The following STK32B variants were observed in gnomAD, a reference collection of about 807,000 sequenced individuals.
The protein encoded by STK32B is serine/threonine kinase 32B, also known as serine/threonine-protein kinase 32B.
In STK32B, 43 loss-of-function variants were observed where a neutral mutation model predicts 52.6. The ratio of observed to expected loss-of-function variants is 0.82; its 90% CI spans 0.64 to 1.05. STK32B has a LOEUF of 1.05. STK32B is among the 50% of genes least tolerant of loss of function. STK32B has a pLI of 0.00. For missense variants in STK32B, 621 were observed against 534.6 expected (o/e 1.16, Z -1.59); for synonymous variants, 238 against 204.3 (o/e 1.17, Z -1.41).
At chr4:5,332,823 A>C (rs534990645) in intron 4 of STK32B, among the ~76,000 whole-genome samples, 1 of 151,986 alleles carries the variant, frequency 6.6e-6, no homozygotes, top group Non-Finnish European at 1.5e-5. Context: ...AAGGACATGA[A>C]CTCATCATTT....
At position 5,155,575 on chromosome 4, in the gene STK32B, G is replaced by A. The variant is rs188512955; in HGVS notation, c.109-12724G>A. Among the ~76,000 whole-genome samples the A allele has an allele frequency of 1.7e-4, 26 of 152,218 alleles. No homozygotes were observed. In the East Asian group the frequency reaches 4.3e-3, roughly 25 times the overall value. Reference sequence around the variant, plus strand: ...TGTGTCCCCACCCAAATCTCATCTCGAATTGTAATCCCTACCTGTCAAGGG... The same window carrying A: ...TGTGTCCCCACCCAAATCTCATCTCAAATTGTAATCCCTACCTGTCAAGGG... On this transcript the variant is annotated intron_variant, in intron 2 of 11. Transcript: ENST00000282908.
At chr4:5,094,907 C>A (rs888510900) in intron 1 of STK32B, among the ~76,000 whole-genome samples, 1 of 152,186 alleles carries the variant, frequency 6.6e-6, no homozygotes, top group South Asian at 2.1e-4. Flanking sequence ...GCAAGTATGG[C>A]AGTTCATTAA....
At chr4:5,344,090 C>T (rs1046501874) in intron 4 of STK32B, among the ~76,000 whole-genome samples, 14 of 152,098 alleles carry the variant, frequency 9.2e-5, no homozygotes, top group African/African-American at 3.1e-4. Flanking sequence ...TGAGCTGATT[C>T]GAAGAGAACT....
At chr4:5,310,589 G>A (rs556802496) in intron 3 of STK32B, among the ~76,000 whole-genome samples, 1 of 152,146 alleles carries the variant, frequency 6.6e-6, no homozygotes, top group South Asian at 2.1e-4. Context: ...CTGTAGGTGG[G>A]AATTCAAATT....
rs79467921 is a variant in STK32B at position 5,080,875 on chromosome 4, A to G, written c.52+28960A>G. On this transcript the variant is annotated intron_variant, in intron 1 of 11. Transcript: ENST00000282908. ...AGTAACTCTAGTAACTCTAGTCACC[A>G]TGCTGTACCATTAGGTCTCCAGAAC... 8.7e-3 allele frequency among the ~76,000 whole-genome samples: 1,332 copies of G among 152,274 alleles called. 13 individuals carry two copies. Among genetic ancestry groups the G allele is most frequent in the African/African-American group, 0.031 (1,274 of 41,558 alleles).
chr4:5,310,128 T>A (rs1040521775), intron 3 of STK32B, among the ~76,000 whole-genome samples: 2 of 152,136 alleles, frequency 1.3e-5, no homozygotes. Flanking sequence ...ATCACGCCAC[T>A]GCACTCCAGC....
intron 3 of STK32B, among the ~76,000 whole-genome samples, chr4:5,265,807 T>G (rs931705012): frequency 2.0e-5 from 3 of 152,194 alleles, no homozygotes; most frequent in African/African-American, 7.2e-5. Context: ...CCTCTTTATT[T>G]TGGGCTTGAT....
At chr4:5,165,880 C>G (rs1718831801) in intron 2 of STK32B, among the ~76,000 whole-genome samples, 1 of 152,202 alleles carries the variant, frequency 6.6e-6, no homozygotes, top group Non-Finnish European at 1.5e-5. Context: ...AACGTGCTAT[C>G]TAATACATTG....
intron 7 of STK32B, 131 bp downstream of exon 7, chr4:5,446,907 T>G: frequency 1.3e-6 from 1 of 775,830 alleles, no homozygotes; most frequent in Non-Finnish European, 2.1e-6. Flanking sequence ...CCCCCAGGTT[T>G]CAGTCCTGAT....
chr4:5,157,320 A>G lies in STK32B; in HGVS notation c.109-10979A>G, dbSNP rs1046167813. ...GATGTAAAAAAAAAAAAAAAAAAAA[A>G]GCTGAACAAGGTTCCTGACACTGAA... On this transcript the variant is annotated intron_variant, in intron 2 of 11. Coordinates refer to ENST00000282908, the MANE Select transcript of STK32B (RefSeq NM_018401.3). Among the ~76,000 whole-genome samples the G allele has an allele frequency of 1.4e-4, 21 of 146,008 alleles. 1 individual carries two copies. The highest frequency in any genetic ancestry group is 1.0e-3 in the Admixed American group (15 of 14,546).
intron 3 of STK32B, among the ~76,000 whole-genome samples, chr4:5,188,967 C>T (rs1381056601): frequency 6.6e-6 from 1 of 151,482 alleles, no homozygotes; most frequent in East Asian, 1.9e-4. Context: ...ACCTATGTAA[C>T]AAACCTGCAC....
intron 11 of STK32B, among the ~76,000 whole-genome samples, chr4:5,497,389 G>T (rs989333009): frequency 1.6e-4 from 25 of 152,206 alleles, no homozygotes; most frequent in African/African-American, 5.3e-4. Flanking sequence ...CTTCAACTGA[G>T]GGTAAGAGGA....
At chr4:5,455,795 T>G (rs1231422800) in intron 7 of STK32B, among the ~76,000 whole-genome samples, 1 of 152,118 alleles carries the variant, frequency 6.6e-6, no homozygotes, top group Non-Finnish European at 1.5e-5. Flanking sequence ...ATTCCCCCTT[T>G]GAGCAGCCCA....
At chr4:5,254,566 T>C (rs549008447) in intron 3 of STK32B, among the ~76,000 whole-genome samples, 3 of 152,324 alleles carry the variant, frequency 2.0e-5, no homozygotes, top group South Asian at 4.1e-4. Context: ...TAATATGCCA[T>C]GTATTCATTA....
At chr4:5,255,401 A>G (rs1159922411) in intron 3 of STK32B, among the ~76,000 whole-genome samples, 1 of 152,212 alleles carries the variant, frequency 6.6e-6, no homozygotes, top group African/African-American at 2.4e-5. Flanking sequence ...ACTGATTAAT[A>G]TGTATCTCAT....
intron 3 of STK32B, among the ~76,000 whole-genome samples, chr4:5,284,721 C>T (rs1728436381): frequency 6.6e-6 from 1 of 152,186 alleles, no homozygotes. Context: ...CCAAGTGTTG[C>T]TTCTGCTTAA....
At position 5,317,334 on chromosome 4, in the gene STK32B, A is replaced by G. The variant is rs1326709161; in HGVS notation, c.261-13886A>G. On this transcript the variant is annotated intron_variant, in intron 3 of 11. Coordinates refer to ENST00000282908, the MANE Select transcript of STK32B (RefSeq NM_018401.3). ...AACATATGTATAATATATATTACAT[A>G]TATAATACATATATATAATATATAT... Among the ~76,000 whole-genome samples the G allele has an allele frequency of 3.5e-5, 3 of 85,452 alleles. 1 individual carries two copies. The highest frequency in any genetic ancestry group is 5.4e-5 in the Non-Finnish European group (3 of 55,320). 56.1% of individuals were successfully genotyped at this position (85,452 alleles called of 152,430 possible).
At chr4:5,205,659 G>C (rs533957291) in intron 3 of STK32B, among the ~76,000 whole-genome samples, 1 of 152,082 alleles carries the variant, frequency 6.6e-6, no homozygotes, top group South Asian at 2.1e-4. Context: ...AGGAGTGAGT[G>C]AGTGAGGTGG....
intron 4 of STK32B, among the ~76,000 whole-genome samples, chr4:5,370,996 G>GTGTGTGTA (rs570241863): frequency 1.4e-4 from 20 of 141,106 alleles, no homozygotes; most frequent in African/African-American, 4.5e-4. Flanking sequence ...GTGTGTGTGT[G>GTGTGTGTA]TATATATATA....
Sources: gnomAD v4.1 joint callset for allele counts (sites outside exome capture counted in the v4.1 genomes callset) on GRCh38, gnomAD v4.1.1 for gene constraint, MANE v1.5 for transcripts, NCBI Gene and HGNC (gene_info 2026-07-23, HGNC 2026-07-21) for gene names.